Variants in ZMAT4 observed in about 807,000 individuals in gnomAD.
ZMAT4 encodes zinc finger matrin-type 4.
In ZMAT4, 17 loss-of-function variants were observed where a neutral mutation model predicts 28.7. The observed-to-expected ratio is 0.59, with a 90% CI of 0.41 to 0.89. The LOEUF (loss-of-function observed/expected upper bound fraction) is 0.89. Among genes scored for constraint, ZMAT4 ranks in the 40% least tolerant of loss-of-function variants. ZMAT4 has a pLI of 0.00. For missense variants in ZMAT4, 240 were observed against 283.8 expected, an observed-to-expected ratio of 0.85 and a Z score of 1.11; for synonymous variants, 117 against 109.2, an observed-to-expected ratio of 1.07 and a Z score of -0.44.
chr8:40,841,889 C>A (rs1816713252), intron 1 of ZMAT4, among the ~76,000 whole-genome samples: 1 of 152,180 alleles, frequency 6.6e-6, no homozygotes, highest in African/African-American at 2.4e-5. Flanking sequence ...AAAGAGATCA[C>A]CTGCAGGATG....
intron 1 of ZMAT4, among the ~76,000 whole-genome samples, chr8:40,871,055 A>G (rs538461485): frequency 6.6e-6 from 1 of 152,194 alleles, no homozygotes; most frequent in Admixed American, 6.5e-5. Flanking sequence ...GAGACCATTC[A>G]CTTGAGACAT....
At chr8:40,863,233 G>A (rs1419237773) in intron 1 of ZMAT4, among the ~76,000 whole-genome samples, 2 of 151,916 alleles carry the variant, frequency 1.3e-5, no homozygotes, top group African/African-American at 4.8e-5. Flanking sequence ...GGAGTGAGGT[G>A]ATCTGATTTG....
intron 1 of ZMAT4, among the ~76,000 whole-genome samples, chr8:40,868,407 A>T (rs1179951687): frequency 6.6e-6 from 1 of 152,124 alleles, no homozygotes; most frequent in Non-Finnish European, 1.5e-5. Context: ...CTGCTACAGA[A>T]CCACAGGGGA....
intron 4 of ZMAT4, among the ~76,000 whole-genome samples, chr8:40,678,452 G>A (rs1809001674): frequency 6.6e-6 from 1 of 152,208 alleles, no homozygotes. Flanking sequence ...GCCATGACCA[G>A]AATGGTGTGC....
intron 3 of ZMAT4, among the ~76,000 whole-genome samples, chr8:40,750,118 C>A (rs1440164400): frequency 6.6e-6 from 1 of 152,152 alleles, no homozygotes; most frequent in Non-Finnish European, 1.5e-5. Context: ...CTCAGCATGA[C>A]CTGCACCAAA....
intron 4 of ZMAT4, among the ~76,000 whole-genome samples, chr8:40,691,985 C>A (rs1309265507): frequency 6.6e-6 from 1 of 152,074 alleles, no homozygotes. Flanking sequence ...ATTGGAAAAC[C>A]ACTGTTTTTT....
Position 40,694,296 on chromosome 8 carries a change from C to T in ZMAT4, c.349+2949G>A, listed in dbSNP as rs1243867318. On this transcript the variant is annotated intron_variant, in intron 4 of 6. Transcript: ENST00000297737. ...ATAGTGTGGGTTTTCTTTTCCAGTGCCTCCTGGTCTTTCTCCTGTACTTGC... is the reference window on the plus strand; with the variant it reads ...ATAGTGTGGGTTTTCTTTTCCAGTGTCTCCTGGTCTTTCTCCTGTACTTGC... 2.6e-5 allele frequency among the ~76,000 whole-genome samples: 4 copies of T among 152,174 alleles called. No individual in the cohort carries two copies. The East Asian group carries it at 7.7e-4, about 29-fold the overall frequency.
intron 2 of ZMAT4, among the ~76,000 whole-genome samples, chr8:40,806,000 A>G (rs953636281): frequency 3.3e-5 from 5 of 150,628 alleles, no homozygotes; most frequent in Non-Finnish European, 5.9e-5. Flanking sequence ...TTGTCTGAGA[A>G]AAAATAACAA....
At chr8:40,553,755 A>G (rs908051103) in intron 6 of ZMAT4, among the ~76,000 whole-genome samples, 3 of 152,190 alleles carry the variant, frequency 2.0e-5, no homozygotes, top group Non-Finnish European at 2.9e-5. Context: ...TGAATTTCAA[A>G]CCAACATGAT....
At chr8:40,647,354 T>C (rs1007217786) in intron 5 of ZMAT4, among the ~76,000 whole-genome samples, 2 of 151,484 alleles carry the variant, frequency 1.3e-5, no homozygotes, top group Non-Finnish European at 2.9e-5. Context: ...ACCCGAATAC[T>C]GCGCTTTTCT....
chr8:40,581,200 A>G lies in ZMAT4; in HGVS notation c.639T>C (p.Tyr213=), dbSNP rs2118544549. 1.2e-6 allele frequency: 2 copies of G among 1,613,548 alleles called. No homozygotes were observed. Among genetic ancestry groups the G allele is most frequent in the South Asian group, 2.2e-5 (2 of 91,072 alleles). The change falls in exon 6 of 7, where the codon TAT becomes TAC. Residue 213 remains tyrosine (Y), a synonymous_variant. Coordinates refer to ENST00000297737, the MANE Select transcript of ZMAT4 (RefSeq NM_024645.3). ...CSVSLNSIEQ[Y]HAHLKGSKHQ... Reference sequence around the variant, plus strand: ...GTTTAGATCCTTTCAGATGGGCATGATACTGTTCTATTGAGTTTAGGGAGA... The same window carrying G: ...GTTTAGATCCTTTCAGATGGGCATGGTACTGTTCTATTGAGTTTAGGGAGA...
intron 1 of ZMAT4, among the ~76,000 whole-genome samples, chr8:40,845,869 A>C (rs1465846456): frequency 6.6e-6 from 1 of 151,956 alleles, no homozygotes; most frequent in Admixed American, 6.6e-5. Flanking sequence ...GCCAAGCATC[A>C]ATTAGGAGCG....
rs916405897 is a variant in ZMAT4, at chr8:40,659,521, G to A, written c.577+15183C>T. On this transcript the variant is annotated intron_variant, in intron 5 of 6. Transcript: ENST00000297737. ...AGTCCAGGGGTGGTCAAACAGAATGGAGAGGGGACAAAATAAACCTTTTTT... is the reference window on the plus strand; with the variant it reads ...AGTCCAGGGGTGGTCAAACAGAATGAAGAGGGGACAAAATAAACCTTTTTT... Among the ~76,000 whole-genome samples, 4 of 152,304 alleles carry A rather than the reference G, an allele frequency of 2.6e-5. No individual in the cohort carries two copies. The South Asian group carries it at 8.3e-4, about 32-fold the overall frequency.
chr8:40,799,321 C>A (rs1261409917), intron 2 of ZMAT4, among the ~76,000 whole-genome samples: 1 of 152,162 alleles, frequency 6.6e-6, no homozygotes, highest in Non-Finnish European at 1.5e-5. Context: ...ATTTAGATAT[C>A]AATGATGTTT....
At chr8:40,751,434 AACTC>A (rs1393675204) in intron 3 of ZMAT4, among the ~76,000 whole-genome samples, 1 of 151,804 alleles carries the variant, frequency 6.6e-6, no homozygotes, top group Non-Finnish European at 1.5e-5. Context: ...ATATCATAAG[AACTC>A]ACTCACTCTC....
intron 5 of ZMAT4, among the ~76,000 whole-genome samples, chr8:40,652,268 T>C (rs1374548246): frequency 3.9e-5 from 4 of 102,830 alleles, no homozygotes; most frequent in African/African-American, 1.3e-4. Context: ...AAAAAGTGGG[T>C]GAAGGACATG....
intron 5 of ZMAT4, among the ~76,000 whole-genome samples, chr8:40,583,399 T>C (rs1348562629): frequency 6.6e-6 from 1 of 152,170 alleles, no homozygotes; most frequent in African/African-American, 2.4e-5. Context: ...ACTTCTTAGA[T>C]ACTACCCAAA....
At chr8:40,653,962 G>A (rs2599661) in intron 5 of ZMAT4, among the ~76,000 whole-genome samples, 84,390 of 151,942 alleles carry the variant, frequency 0.56, 24,287 homozygotes, top group East Asian at 0.69. Context: ...TGTTGGCCCC[G>A]GGTTGGTTCC....
At chr8:40,622,900 T>C (rs1806249468) in intron 5 of ZMAT4, among the ~76,000 whole-genome samples, 1 of 152,154 alleles carries the variant, frequency 6.6e-6, no homozygotes, top group Non-Finnish European at 1.5e-5. Context: ...GGGATCAAAT[T>C]TCAACATGAG....
Sources: allele counts gnomAD v4.1 joint callset (sites outside exome capture counted in the v4.1 genomes callset), GRCh38; gene constraint gnomAD v4.1.1; transcripts MANE v1.5; gene names NCBI Gene and HGNC (gene_info 2026-07-23, HGNC 2026-07-21).